MALRD1: variants seen among roughly 807,000 people sequenced by gnomAD.
The protein encoded by MALRD1 is MAM and LDL-receptor class A domain-containing protein 1.
A neutral mutation model predicts 242.1 loss-of-function variants in MALRD1; 247 were observed. The observed-to-expected ratio is 1.02, with a 90% CI of 0.92 to 1.13. The LOEUF (loss-of-function observed/expected upper bound fraction) is 1.13, where lower values mean the gene tolerates loss of function less well. Among genes scored for constraint, MALRD1 ranks in the 50% most tolerant of loss-of-function variants. MALRD1 has a pLI of 0.00. For missense variants in MALRD1, 2,989 were observed against 2,533.1 expected, an observed-to-expected ratio of 1.18 and a Z score of -3.86; for synonymous variants, 995 against 866.6, an observed-to-expected ratio of 1.15 and a Z score of -2.60.
intron 36 of MALRD1, among the ~76,000 whole-genome samples, chr10:19,675,784 G>A (rs1157378331): frequency 6.6e-6 from 1 of 152,202 alleles, no homozygotes; most frequent in Non-Finnish European, 1.5e-5. Context: ...CAGTGTACAA[G>A]AGTAAACAGG....
At chr10:19,607,092 A>G (rs1224091136) in intron 34 of MALRD1, among the ~76,000 whole-genome samples, 3 of 152,190 alleles carry the variant, frequency 2.0e-5, no homozygotes, top group African/African-American at 7.2e-5. Context: ...CGAAACAACC[A>G]AAGTCTTATG....
intron 32 of MALRD1, among the ~76,000 whole-genome samples, chr10:19,547,461 G>A (rs993520724): frequency 3.3e-5 from 5 of 151,452 alleles, no homozygotes; most frequent in African/African-American, 1.2e-4. Context: ...AAGGACCTTA[G>A]CAATGCTTTA....
intron 19 of MALRD1, among the ~76,000 whole-genome samples, chr10:19,273,644 A>G (rs529514346): frequency 2.0e-5 from 3 of 152,318 alleles, no homozygotes; most frequent in African/African-American, 4.8e-5. Flanking sequence ...TACATACCCT[A>G]TGATTCTGAC....
At chr10:19,231,507 G>A (rs148006352) in intron 18 of MALRD1, among the ~76,000 whole-genome samples, 210 of 152,270 alleles carry the variant, frequency 1.4e-3, no homozygotes, top group African/African-American at 4.8e-3. Context: ...TGTCAAGGAC[G>A]GAGTCAGGTG....
intron 36 of MALRD1, among the ~76,000 whole-genome samples, chr10:19,655,611 A>G (rs1367716874): frequency 6.7e-6 from 1 of 148,856 alleles, no homozygotes; most frequent in Non-Finnish European, 1.5e-5. Context: ...TACATGAAAT[A>G]TAACATAATT....
chr10:19,329,292 A>C (rs900092048), intron 23 of MALRD1, among the ~76,000 whole-genome samples: 9 of 152,142 alleles, frequency 5.9e-5, no homozygotes, highest in Non-Finnish European at 8.8e-5. Context: ...CATTTTTTAC[A>C]AGATCGTTCT....
chr10:19,238,329 T>A (rs1379253730), intron 18 of MALRD1, among the ~76,000 whole-genome samples: 1 of 81,188 alleles, frequency 1.2e-5, no homozygotes, highest in Non-Finnish European at 2.1e-5. Flanking sequence ...TAATGTATAT[T>A]ATACATAATA....
Position 19,692,368 on chromosome 10 carries a change from G to T in MALRD1, c.6217+7G>T. Reference sequence around the variant, plus strand: ...TTCACATACGCTCAGAATAGTAGGTGACATTATGACTAAATAAATGGCTTG... The same window carrying T: ...TTCACATACGCTCAGAATAGTAGGTTACATTATGACTAAATAAATGGCTTG... On this transcript the variant is annotated splice_region_variant and intron_variant, in intron 37 of 39. Transcript: ENST00000454679. 6.5e-7 allele frequency: 1 copy of T among 1,533,970 alleles called. No homozygotes were observed. Among genetic ancestry groups the T allele is most frequent in the South Asian group, 1.2e-5 (1 of 83,856 alleles).
chr10:19,370,095 G>A (rs1397790219), intron 26 of MALRD1, among the ~76,000 whole-genome samples: 4 of 152,034 alleles, frequency 2.6e-5, no homozygotes, highest in African/African-American at 4.8e-5. Context: ...GTGTTCCAGC[G>A]TCATTTGTTG....
Position 19,269,804 on chromosome 10 carries a change from A to G in MALRD1, c.3080-10243A>G, listed in dbSNP as rs117505346. On this transcript the variant is annotated intron_variant, in intron 19 of 39. Transcript: ENST00000454679. ...GGAGTAATAAGGAAGTAATGAGAAT[A>G]GGACTAAGAATTATGAACTCTTAAA... Among the ~76,000 whole-genome samples, 754 of 152,372 alleles carry G rather than the reference A, an allele frequency of 4.9e-3. 1 individual carries two copies. Among genetic ancestry groups the G allele is most frequent in the Non-Finnish European group, 7.4e-3 (502 of 68,028 alleles).
At chr10:19,666,831 C>A (rs146142587) in intron 36 of MALRD1, among the ~76,000 whole-genome samples, 1 of 152,182 alleles carries the variant, frequency 6.6e-6, no homozygotes, top group East Asian at 1.9e-4. Flanking sequence ...TCCACAAGGG[C>A]AGGGCAGTGA....
chr10:19,521,154 G>T (rs1833863340), intron 31 of MALRD1, among the ~76,000 whole-genome samples: 1 of 152,034 alleles, frequency 6.6e-6, no homozygotes, highest in African/African-American at 2.4e-5. Context: ...CTTTTCAGAT[G>T]AATTATCTCA....
intron 34 of MALRD1, among the ~76,000 whole-genome samples, chr10:19,606,488 G>A (rs954729241): frequency 3.9e-5 from 6 of 152,066 alleles, no homozygotes; most frequent in African/African-American, 1.4e-4. Flanking sequence ...GCTGAACCCT[G>A]GTACTCAGAG....
At chr10:19,216,543 C>G (rs1236126790) in intron 18 of MALRD1, among the ~76,000 whole-genome samples, 1 of 152,036 alleles carries the variant, frequency 6.6e-6, no homozygotes, top group Non-Finnish European at 1.5e-5. Flanking sequence ...TTTCTTGAAC[C>G]TCAGATGTTA....
At chr10:19,472,636 G>T (rs748535423) in intron 29 of MALRD1, among the ~76,000 whole-genome samples, 18 of 151,838 alleles carry the variant, frequency 1.2e-4, no homozygotes, top group African/African-American at 1.9e-4. Context: ...TTGGTAGAAG[G>T]TATGTTACTA....
intron 29 of MALRD1, among the ~76,000 whole-genome samples, chr10:19,455,657 T>C (rs1427687155): frequency 1.3e-5 from 2 of 152,214 alleles, no homozygotes; most frequent in Non-Finnish European, 2.9e-5. Flanking sequence ...CCAATAAATA[T>C]AAATGAACTA....
intron 36 of MALRD1, among the ~76,000 whole-genome samples, chr10:19,644,268 C>T (rs1840547132): frequency 2.0e-5 from 3 of 152,170 alleles, no homozygotes. Flanking sequence ...TGTAGGTTCC[C>T]TAACTACAGG....
chr10:19,378,084 C>G (rs1449666986), intron 26 of MALRD1, among the ~76,000 whole-genome samples: 2 of 152,006 alleles, frequency 1.3e-5, no homozygotes, highest in Admixed American at 6.6e-5. Flanking sequence ...ATGCATTTAG[C>G]TTTTCAAATA....
At chr10:19,524,284 T>A (rs1833999800) in intron 31 of MALRD1, among the ~76,000 whole-genome samples, 1 of 152,092 alleles carries the variant, frequency 6.6e-6, no homozygotes, top group South Asian at 2.1e-4. Context: ...GAGATCAGCC[T>A]GGCCAATGTG....
Sources: allele counts gnomAD v4.1 joint callset (sites outside exome capture counted in the v4.1 genomes callset), GRCh38; gene constraint gnomAD v4.1.1; transcripts MANE v1.5; gene names NCBI Gene and HGNC (gene_info 2026-07-23, HGNC 2026-07-21).